The following CLCN6 variants were observed in gnomAD, a reference collection of about 807,000 sequenced individuals.
The protein encoded by CLCN6 is Cl-/H+ antiporter 6.
In CLCN6, 70 loss-of-function variants were observed where a neutral mutation model predicts 109.8. That is an observed-to-expected ratio of 0.64 (90% CI 0.53 to 0.78). The LOEUF (loss-of-function observed/expected upper bound fraction) is 0.78. Ranked by LOEUF, CLCN6 falls within the 30% of genes least tolerant of loss-of-function variation. The probability of loss-of-function intolerance (pLI) is 0.00; values close to 1 mark genes in which losing one functional copy is unlikely to be tolerated. For synonymous variants in CLCN6, 444 were observed against 447.8 expected, an observed-to-expected ratio of 0.99 and a Z score of 0.11; for missense variants, 984 against 1,142.3, an observed-to-expected ratio of 0.86 and a Z score of 2.00.
chr1:11,840,745 T>C lies in CLCN6; in HGVS notation c.*522T>C, dbSNP rs198413. On this transcript the variant is annotated 3_prime_UTR_variant, in exon 23 of 23. Transcript: ENST00000346436. The stretch of plus-strand genomic sequence containing the variant: ...AGAGTCCTTCCCTTATTTGGGACTC[T>C]TAACACGGTATCCTCGCTAGTTGGT... 33,395 of 183,432 alleles carry C rather than the reference T, an allele frequency of 0.18. 4,106 individuals carry two copies. Among genetic ancestry groups the C allele is most frequent in the African/African-American group, 0.36 (15,716 of 43,308 alleles). The allele number at this position is 183,432 out of a possible 1,614,324, so 11.4% of individuals were successfully genotyped here.
At chr1:11,818,015 A>G (rs950385007) in intron 4 of CLCN6, among the ~76,000 whole-genome samples, 9 of 152,022 alleles carry the variant, frequency 5.9e-5, no homozygotes, top group Non-Finnish European at 1.3e-4. Context: ...TAATCCCAGC[A>G]TTTTGAGAGG....
rs2100653971 is a variant in CLCN6 at position 11,834,470 on chromosome 1, G to T, written c.1687-14G>T. The T allele has an allele frequency of 6.2e-7, 1 of 1,613,974 alleles. No homozygotes were observed. The highest frequency in any genetic ancestry group is 1.6e-4 in the Middle Eastern group (1 of 6,062). Reference sequence around the variant, plus strand: ...CCACAGGACCTATTTTTAGGTCTTTGCTTTGTGTTTCAGGTGGCCAAATGG... The same window carrying T: ...CCACAGGACCTATTTTTAGGTCTTTTCTTTGTGTTTCAGGTGGCCAAATGG... On this transcript the variant is annotated splice_polypyrimidine_tract_variant and intron_variant, in intron 16 of 22. Coordinates refer to ENST00000346436, the MANE Select transcript of CLCN6 (RefSeq NM_001286.5). The surrounding 1 kb of genome is among the most constrained non-coding windows in gnomAD (Gnocchi z 4.5).
intron 2 of CLCN6, among the ~76,000 whole-genome samples, chr1:11,809,974 A>T (rs1385251496): frequency 6.6e-6 from 1 of 152,244 alleles, no homozygotes; most frequent in Non-Finnish European, 1.5e-5. Flanking sequence ...AGGTTAAAAT[A>T]GTTGATTTAG....
In CLCN6 at chr1:11,827,218, A is replaced by G; in HGVS notation, c.837A>G (p.Lys279=). 2 of 1,610,544 alleles carry G rather than the reference A, an allele frequency of 1.2e-6. No homozygotes were observed. The highest frequency in any genetic ancestry group is 1.7e-6 in the Non-Finnish European group (2 of 1,177,756). Residue 279 remains lysine (K), a synonymous_variant, in exon 10 of 23, where the codon AAA becomes AAG. Transcript: ENST00000346436. ...TCTGGAACCAAGGGCTCACGTGGAAAGTGGTGAGGAGGACCTTCAGTGAAA... is the reference window on the plus strand; with the variant it reads ...TCTGGAACCAAGGGCTCACGTGGAAGGTGGTGAGGAGGACCTTCAGTGAAA... The part of the protein sequence containing the change: ...SSFWNQGLTW[K]VLFCSMSATF...
intron 19 of CLCN6, 47 bp downstream of exon 19, chr1:11,837,203 T>A (rs775878933): frequency 6.2e-7 from 1 of 1,607,374 alleles, no homozygotes; most frequent in South Asian, 1.1e-5. Context: ...TACACAGCGG[T>A]GGGGTGAGCC....
chr1:11,829,399 G>A lies in CLCN6; in HGVS notation c.1248+77G>A, dbSNP rs1489400385. The A allele has an allele frequency of 2.6e-6, 4 of 1,541,366 alleles. No individual in the cohort carries two copies. In the African/African-American group the frequency reaches 5.4e-5, roughly 21 times the overall value. ...GAAATGTATGACCTTCCTCTGTTGAGAACTAATAGATATGTTGGGTTCATC... is the reference window on the plus strand; with the variant it reads ...GAAATGTATGACCTTCCTCTGTTGAAAACTAATAGATATGTTGGGTTCATC... On this transcript the variant is annotated intron_variant, in intron 13 of 22. Coordinates refer to ENST00000346436, the MANE Select transcript of CLCN6 (RefSeq NM_001286.5).
chr1:11,823,774 T>C lies in CLCN6; in HGVS notation c.521T>C (p.Ile174Thr). ...CYLNGVKVPGIVRLRTLLCKV... is the reference protein window; with the variant it reads ...CYLNGVKVPGTVRLRTLLCKV... Reference sequence around the variant, plus strand: ...CTGAATGGCGTAAAGGTGCCAGGAATCGTCCGTCTCCGGACCCTGCTCTGC... The same window carrying C: ...CTGAATGGCGTAAAGGTGCCAGGAACCGTCCGTCTCCGGACCCTGCTCTGC... The change falls in exon 7 of 23, where the codon ATC becomes ACC. Residue 174 changes from isoleucine to threonine, a missense_variant. Transcript: ENST00000346436. 6.2e-7 allele frequency: 1 copy of C among 1,614,260 alleles called. No homozygotes were observed. Among genetic ancestry groups the C allele is most frequent in the African/African-American group, 1.3e-5 (1 of 75,070 alleles).
chr1:11,817,159 C>G (rs987824599), intron 4 of CLCN6, among the ~76,000 whole-genome samples: 2 of 152,196 alleles, frequency 1.3e-5, no homozygotes, highest in African/African-American at 4.8e-5. Flanking sequence ...GTGGCGTAAT[C>G]ACAGTTCACT....
intron 22 of CLCN6, chr1:11,839,091 TTATTTTCTTATTACACAAA>T (rs1156663857): frequency 5.4e-5 from 32 of 589,020 alleles, no homozygotes; most frequent in South Asian, 1.1e-4. Context: ...TAGAACTTCA[TTATTTTCTTATTACACAAA>T]TATTTTCTTA....
chr1:11,827,597 A>G (rs1380176986), intron 10 of CLCN6, among the ~76,000 whole-genome samples: 1 of 124,114 alleles, frequency 8.1e-6, no homozygotes, highest in African/African-American at 3.3e-5. Context: ...CACCGCATCC[A>G]GCTAATTTTT....
rs751939664 is a variant in CLCN6, at chr1:11,806,226, T to G, written c.-37T>G. On this transcript the variant is annotated 5_prime_UTR_variant, in exon 1 of 23. Transcript: ENST00000346436. ...GGCGCAGATCCTGGCTGGGAGGGGG[T>G]TGGTAGAGGGGTCCAGAGTGGCAGT... The G allele has an allele frequency of 1.7e-5, 23 of 1,379,046 alleles. No individual in the cohort carries two copies. The highest frequency in any genetic ancestry group is 3.1e-5 in the Admixed American group (1 of 31,890). The allele number at this position is 1,379,046 out of a possible 1,614,324, so 85.4% of individuals were successfully genotyped here. A position where few individuals can be genotyped will look rare whatever the true frequency, so the allele number is the denominator to read the frequency against.
chr1:11,817,479 AG>A (rs1209130227), intron 4 of CLCN6, among the ~76,000 whole-genome samples: 2 of 152,242 alleles, frequency 1.3e-5, no homozygotes, highest in African/African-American at 4.8e-5. Flanking sequence ...TGGTGGAGGC[AG>A]CAACTTCACA....
chr1:11,842,910 T>C lies in CLCN6; in HGVS notation c.*2687T>C, dbSNP rs983217627. 1.2e-4 allele frequency: 18 copies of C among 152,300 alleles called. No individual in the cohort carries two copies. Among genetic ancestry groups the C allele is most frequent in the African/African-American group, 4.1e-4 (17 of 41,476 alleles). The allele number at this position is 152,300 out of a possible 1,614,324, so 9.4% of individuals were successfully genotyped here. On this transcript the variant is annotated 3_prime_UTR_variant, in exon 23 of 23. Coordinates refer to ENST00000346436, the MANE Select transcript of CLCN6 (RefSeq NM_001286.5). ...GGCCTCGCCAGCCCTGCAGTATTGA[T>C]GTGCAGTATTGCACCACAGCTCTGC...
rs1220377267 is a variant in CLCN6, at chr1:11,834,405, C to G, written c.1686+10C>G. The G allele has an allele frequency of 6.2e-7, 1 of 1,613,586 alleles. No individual in the cohort carries two copies. The highest frequency in any genetic ancestry group is 2.2e-5 in the East Asian group (1 of 44,864). On this transcript the variant is annotated intron_variant, in intron 16 of 22. Coordinates refer to ENST00000346436, the MANE Select transcript of CLCN6 (RefSeq NM_001286.5). This position sits in a 1 kb window ranked among gnomAD's most constrained non-coding sequence, Gnocchi z 4.5. ...CATGGTCACACTGATGGTGAGCACA[C>G]TCCCTCCAGGCCCCTGTCAGGCTCA...
intron 17 of CLCN6, 107 bp from the exon 18 acceptor site, chr1:11,835,860 C>T: frequency 1.2e-6 from 1 of 861,250 alleles, no homozygotes; most frequent in Non-Finnish European, 1.8e-6. Context: ...TCAGAAGAGC[C>T]CCCCACCCCG....
chr1:11,833,810 C>A (rs116250834), intron 14 of CLCN6, 67 bp from the exon 15 acceptor site: 2 of 1,570,038 alleles, frequency 1.3e-6, no homozygotes, highest in Non-Finnish European at 1.7e-6. Context: ...TGTGGTCGGG[C>A]CCGGTAGGTC....
intron 8 of CLCN6, among the ~76,000 whole-genome samples, chr1:11,825,292 T>A (rs1431041153): frequency 6.6e-6 from 1 of 152,152 alleles, no homozygotes; most frequent in Non-Finnish European, 1.5e-5. Flanking sequence ...CGTCTTTTGG[T>A]CTCTCTCCTG....
chr1:11,812,664 T>TGTGTG (rs1644615747), intron 2 of CLCN6, among the ~76,000 whole-genome samples: 28 of 127,018 alleles, frequency 2.2e-4, no homozygotes, highest in African/African-American at 8.7e-4. Flanking sequence ...CAAAGTATGT[T>TGTGTG]TGTGTGTGTG....
rs143362803 is a variant in CLCN6, at chr1:11,837,033, G to T, written c.2015G>T (p.Arg672Leu). The change falls in exon 19 of 23, where the codon CGC (arginine) becomes CTC (leucine). Residue 672 changes from arginine to leucine, a missense_variant. Physicochemically the swap from Arg to Leu is moderately radical, Grantham distance 102 (BLOSUM62 -2). Coordinates refer to ENST00000346436, the MANE Select transcript of CLCN6 (RefSeq NM_001286.5). ...SSILTRAGEQ[R>L]KRSQSMKSYP... is the part of the protein sequence containing the mutation. ...ATCCTCACCCGGGCTGGCGAGCAGC[G>T]CAAACGGAGCCAGTCCATGAAGTCC... The T allele has an allele frequency of 6.2e-7, 1 of 1,612,162 alleles. No individual in the cohort carries two copies. Among genetic ancestry groups the T allele is most frequent in the Non-Finnish European group, 8.5e-7 (1 of 1,180,036 alleles).
Sources: gnomAD v4.1 joint callset for allele counts (sites outside exome capture counted in the v4.1 genomes callset) on GRCh38, gnomAD v4.1.1 for gene constraint, Gnocchi (gnomAD v3.1) non-coding constraint, MANE v1.5 for transcripts, NCBI Gene and HGNC (gene_info 2026-07-23, HGNC 2026-07-21) for gene names.